Variants in CDH18 observed in about 807,000 individuals in gnomAD.
The protein encoded by CDH18 is cadherin 18.
Under a neutral mutation model 67.9 loss-of-function variants are expected in CDH18, and 31 were observed. The ratio of observed to expected loss-of-function variants is 0.46; its 90% CI spans 0.34 to 0.62. The LOEUF (loss-of-function observed/expected upper bound fraction) is 0.62, where lower values mean the gene tolerates loss of function less well. Among genes scored for constraint, CDH18 ranks in the 20% least tolerant of loss-of-function variants. The probability of loss-of-function intolerance (pLI) is 0.01; values close to 1 mark genes in which losing one functional copy is unlikely to be tolerated. For missense variants in CDH18, 890 were observed against 975.5 expected (o/e 0.91, Z 1.17); for synonymous variants, 362 against 347.2 (o/e 1.04, Z -0.48).
At chr5:20,109,474 C>T (rs1047126881) in intron 2 of CDH18, among the ~76,000 whole-genome samples, 3 of 152,134 alleles carry the variant, frequency 2.0e-5, no homozygotes, top group Admixed American at 6.5e-5. Context: ...CAGACTTATA[C>T]GGCAACACTC....
intron 1 of CDH18, among the ~76,000 whole-genome samples, chr5:20,550,127 G>A (rs748602228): frequency 3.9e-5 from 6 of 152,094 alleles, no homozygotes; most frequent in African/African-American, 7.2e-5. Flanking sequence ...TACCTGTCAC[G>A]TTTAAAGATT....
intron 1 of CDH18, among the ~76,000 whole-genome samples, chr5:20,479,898 G>GA (rs1197967761): frequency 6.6e-6 from 1 of 151,896 alleles, no homozygotes; most frequent in African/African-American, 2.4e-5. Context: ...AGAAAAGGAA[G>GA]AAAAAACATA....
At chr5:19,949,113 T>A (rs557827571) in intron 2 of CDH18, among the ~76,000 whole-genome samples, 1 of 152,280 alleles carries the variant, frequency 6.6e-6, no homozygotes, top group Non-Finnish European at 1.5e-5. Flanking sequence ...GCCATAGCCA[T>A]CACACTATAT....
chr5:20,422,449 G>A (rs1382100974), intron 1 of CDH18, among the ~76,000 whole-genome samples: 3 of 150,822 alleles, frequency 2.0e-5, no homozygotes, highest in Non-Finnish European at 4.4e-5. Context: ...GCCAGGTGTA[G>A]TTCTATACCT....
intron 1 of CDH18, among the ~76,000 whole-genome samples, chr5:19,983,779 G>A (rs1365571390): frequency 6.6e-6 from 1 of 152,182 alleles, no homozygotes; most frequent in Non-Finnish European, 1.5e-5. Flanking sequence ...ACACTTAGAA[G>A]TCAAAACACT....
chr5:20,146,565 C>T (rs1226583525), intron 2 of CDH18, among the ~76,000 whole-genome samples: 1 of 151,148 alleles, frequency 6.6e-6, no homozygotes, highest in Non-Finnish European at 1.5e-5. Flanking sequence ...TTTTTTCTAG[C>T]TCCAGTGCTT....
intron 5 of CDH18, among the ~76,000 whole-genome samples, chr5:19,708,883 T>C (rs980840780): frequency 6.6e-6 from 1 of 152,076 alleles, no homozygotes; most frequent in African/African-American, 2.4e-5. Context: ...TTTCAGTGTG[T>C]GTGTGTCTTT....
At chr5:19,559,574 G>A (rs891997583) in intron 8 of CDH18, among the ~76,000 whole-genome samples, 1 of 151,846 alleles carries the variant, frequency 6.6e-6, no homozygotes, top group Non-Finnish European at 1.5e-5. Context: ...ACAGGGTAAA[G>A]TTAAAAGCAT....
At chr5:20,169,571 G>A (rs572338302) in intron 2 of CDH18, among the ~76,000 whole-genome samples, 1 of 152,006 alleles carries the variant, frequency 6.6e-6, no homozygotes, top group Non-Finnish European at 1.5e-5. Flanking sequence ...AAAGCCAAAA[G>A]GTTTCATAAT....
intron 2 of CDH18, among the ~76,000 whole-genome samples, chr5:20,003,361 A>AT (rs965914563): frequency 1.2e-4 from 18 of 151,632 alleles, no homozygotes; most frequent in African/African-American, 4.1e-4. Flanking sequence ...TAAAATAGTC[A>AT]TTTTCTGTTA....
intron 5 of CDH18, among the ~76,000 whole-genome samples, chr5:19,614,902 C>T (rs1749565756): frequency 2.0e-5 from 3 of 152,116 alleles, no homozygotes; most frequent in East Asian, 1.9e-4. Context: ...AATCCCAGCA[C>T]TTTGAGAGGC....
At chr5:20,304,448 C>T (rs775065753) in intron 1 of CDH18, 4 of 1,515,174 alleles carry the variant, frequency 2.6e-6, no homozygotes, top group Admixed American at 1.7e-5. Flanking sequence ...TTCATCTCCA[C>T]CTTTGCATTC....
intron 2 of CDH18, among the ~76,000 whole-genome samples, chr5:20,090,266 C>T (rs1462493835): frequency 6.6e-6 from 1 of 152,112 alleles, no homozygotes; most frequent in East Asian, 1.9e-4. Flanking sequence ...GCAGGGCGCA[C>T]TGGCTCATGC....
At chr5:20,447,058 C>T (rs1750058548) in intron 1 of CDH18, among the ~76,000 whole-genome samples, 1 of 152,078 alleles carries the variant, frequency 6.6e-6, no homozygotes. Context: ...GTGGAAGCTT[C>T]CTATAACATT....
At chr5:19,553,422 AAAAT>A (rs1261152278) in intron 8 of CDH18, among the ~76,000 whole-genome samples, 12 of 151,722 alleles carry the variant, frequency 7.9e-5, no homozygotes, top group Admixed American at 2.6e-4. Context: ...TAAAATTAAA[AAAAT>A]AAATAAATAA....
intron 2 of CDH18, among the ~76,000 whole-genome samples, chr5:20,004,930 C>T (rs941135872): frequency 6.6e-6 from 1 of 151,920 alleles, no homozygotes; most frequent in African/African-American, 2.4e-5. Flanking sequence ...GTGGGTGTGT[C>T]AAATTCCACT....
chr5:20,478,732 G>A (rs541902072), intron 1 of CDH18, among the ~76,000 whole-genome samples: 1 of 143,858 alleles, frequency 7.0e-6, no homozygotes, highest in South Asian at 2.2e-4. Flanking sequence ...CGTACTGACT[G>A]AAGAGCCCTT....
At chr5:19,712,749 G>A (rs1764866829) in intron 5 of CDH18, among the ~76,000 whole-genome samples, 2 of 150,608 alleles carry the variant, frequency 1.3e-5, no homozygotes, top group African/African-American at 2.4e-5. Context: ...CTATATATAT[G>A]TGTATATATA....
At chr5:19,679,727 C>T (rs1033561268) in intron 5 of CDH18, among the ~76,000 whole-genome samples, 5 of 151,838 alleles carry the variant, frequency 3.3e-5, no homozygotes, top group Non-Finnish European at 7.4e-5. Context: ...AATAATACAG[C>T]TAAGTGTAGA....
Sources: gnomAD v4.1 joint callset for allele counts (sites outside exome capture counted in the v4.1 genomes callset) on GRCh38, gnomAD v4.1.1 for gene constraint, MANE v1.5 for transcripts, NCBI Gene and HGNC (gene_info 2026-07-23, HGNC 2026-07-21) for gene names.